Variants in SYT1 observed in about 807,000 individuals in gnomAD.
The protein encoded by SYT1 is synaptotagmin 1.
Under a neutral mutation model 44.8 loss-of-function variants are expected in SYT1, and 8 were observed. That is an observed-to-expected ratio of 0.18 (90% CI 0.10 to 0.32). The LOEUF (loss-of-function observed/expected upper bound fraction) is 0.32. Among genes scored for constraint, SYT1 ranks in the 10% least tolerant of loss-of-function variants. The pLI is 1.00. For missense variants in SYT1, 286 were observed against 509.3 expected, an observed-to-expected ratio of 0.56 and a Z score of 4.22; for synonymous variants, 154 against 188.8, an observed-to-expected ratio of 0.82 and a Z score of 1.51.
At chr12:79,303,424 G>A (rs1189205671) in intron 8 of SYT1, among the ~76,000 whole-genome samples, 2 of 150,374 alleles carry the variant, frequency 1.3e-5, no homozygotes, top group Non-Finnish European at 3.0e-5. Context: ...TTAACATTCC[G>A]CCCTGATATG....
At chr12:79,339,890 G>T (rs1019241600) in intron 8 of SYT1, among the ~76,000 whole-genome samples, 2 of 152,146 alleles carry the variant, frequency 1.3e-5, no homozygotes, top group Non-Finnish European at 2.9e-5. Flanking sequence ...CTACATAATG[G>T]CTAGCCAGTT....
chr12:79,020,853 T>C (rs1220768657), intron 2 of SYT1, among the ~76,000 whole-genome samples: 2 of 151,920 alleles, frequency 1.3e-5, no homozygotes, highest in African/African-American at 4.8e-5. Flanking sequence ...TAATGGGTGG[T>C]AAAGTAAAAA....
chr12:79,422,254 A>C (rs1344190428), intron 9 of SYT1, among the ~76,000 whole-genome samples: 1 of 152,024 alleles, frequency 6.6e-6, no homozygotes, highest in Non-Finnish European at 1.5e-5. Flanking sequence ...AGTACAAAGC[A>C]CTTCTGAGGA....
rs187693094 is a variant in SYT1 at position 79,376,820 on chromosome 12, A to C, written c.928+23201A>C. Among the ~76,000 whole-genome samples the C allele has an allele frequency of 3.6e-3, 552 of 152,306 alleles. 1 individual carries two copies. The highest frequency in any genetic ancestry group is 6.5e-3 in the Non-Finnish European group (441 of 68,028). The stretch of plus-strand genomic sequence containing the variant: ...ATGGCCCATTTCATTAATGATTTAC[A>C]AACGTCTGCATGCCTCCTTATCTAA... On this transcript the variant is annotated intron_variant, in intron 9 of 10. Coordinates refer to ENST00000261205, the MANE Select transcript of SYT1 (RefSeq NM_005639.3).
intron 4 of SYT1, among the ~76,000 whole-genome samples, chr12:79,219,370 G>A (rs547182650): frequency 3.4e-4 from 51 of 151,772 alleles, no homozygotes; most frequent in Non-Finnish European, 6.0e-4. Flanking sequence ...AATCCCATTC[G>A]TCTATTTGCT....
intron 9 of SYT1, among the ~76,000 whole-genome samples, chr12:79,439,484 G>A (rs1325511451): frequency 6.6e-6 from 1 of 152,064 alleles, no homozygotes; most frequent in Admixed American, 6.5e-5. Flanking sequence ...GGATAGCTTG[G>A]CTTACTTGTG....
intron 10 of SYT1, 71 bp downstream of exon 10, chr12:79,444,277 A>T: frequency 6.4e-7 from 1 of 1,570,854 alleles, no homozygotes; most frequent in East Asian, 2.3e-5. Context: ...ATACACACAG[A>T]CCTTGTAAGT....
At chr12:78,943,537 C>T (rs941191726) in intron 1 of SYT1, among the ~76,000 whole-genome samples, 1 of 152,158 alleles carries the variant, frequency 6.6e-6, no homozygotes, top group African/African-American at 2.4e-5. Context: ...GAAATCTGCC[C>T]CCATGATCTA....
At chr12:79,402,830 C>G (rs530482387) in intron 9 of SYT1, among the ~76,000 whole-genome samples, 1 of 152,332 alleles carries the variant, frequency 6.6e-6, no homozygotes, top group Admixed American at 6.5e-5. Flanking sequence ...TGTGACTCCT[C>G]AGCATATTAA....
intron 3 of SYT1, among the ~76,000 whole-genome samples, chr12:79,064,779 C>G (rs190428381): frequency 1.7e-4 from 25 of 149,962 alleles, no homozygotes; most frequent in Admixed American, 3.3e-4. Flanking sequence ...CCAATAACAA[C>G]TAACTATTCT....
intron 3 of SYT1, among the ~76,000 whole-genome samples, chr12:79,062,495 C>T (rs189154647): frequency 1.4e-4 from 21 of 152,170 alleles, no homozygotes; most frequent in African/African-American, 5.1e-4. Flanking sequence ...ATCCACTTGT[C>T]CTAGGCTGTT....
intron 3 of SYT1, among the ~76,000 whole-genome samples, chr12:79,179,544 G>GATTT (rs879668657): frequency 1.0e-3 from 25 of 24,342 alleles, no homozygotes; most frequent in Non-Finnish European, 1.7e-3. Context: ...TATAGATATA[G>GATTT]AGATATAGAT....
In SYT1 at chr12:79,190,018, T is replaced by C. The variant is rs916470018; in HGVS notation, c.-17-27485T>C. Among the ~76,000 whole-genome samples, 18 of 152,190 alleles carry C rather than the reference T, an allele frequency of 1.2e-4. 1 individual carries two copies. Among genetic ancestry groups the C allele is most frequent in the Non-Finnish European group, 2.9e-5 (2 of 68,048 alleles). ...CCCCAGAGTTCACTCTTTTAATCAC[T>C]GGACTGTATTTTGCCTTCCACTCTG... On this transcript the variant is annotated intron_variant, in intron 3 of 10. Coordinates refer to ENST00000261205, the MANE Select transcript of SYT1 (RefSeq NM_005639.3).
At chr12:78,975,355 T>C (rs1397992426) in intron 1 of SYT1, among the ~76,000 whole-genome samples, 1 of 152,212 alleles carries the variant, frequency 6.6e-6, no homozygotes, top group African/African-American at 2.4e-5. Flanking sequence ...TGGAGGCAGT[T>C]GTTTCTCTCC....
At chr12:79,017,042 G>A (rs188268107) in intron 2 of SYT1, among the ~76,000 whole-genome samples, 12 of 152,150 alleles carry the variant, frequency 7.9e-5, no homozygotes. Flanking sequence ...TGACCTATTA[G>A]AAATCCCTGG....
chr12:78,995,982 T>C (rs954068600), intron 2 of SYT1: 2 of 152,232 alleles, frequency 1.3e-5, no homozygotes, highest in African/African-American at 4.8e-5. Flanking sequence ...CATTACTCAC[T>C]GTAGGATCAA....
chr12:78,882,655 A>C (rs937815450), intron 1 of SYT1, among the ~76,000 whole-genome samples: 7 of 151,828 alleles, frequency 4.6e-5, no homozygotes, highest in Non-Finnish European at 7.4e-5. Flanking sequence ...AGTAGACATT[A>C]AGTTTGAAAA....
chr12:78,976,419 T>TA (rs1398772482), intron 1 of SYT1, among the ~76,000 whole-genome samples: 1 of 152,192 alleles, frequency 6.6e-6, no homozygotes, highest in Non-Finnish European at 1.5e-5. Context: ...TCCTTTAAAC[T>TA]AAGGACTTAC....
chr12:79,261,444 A>T (rs1565880420), intron 4 of SYT1, among the ~76,000 whole-genome samples: 1 of 152,174 alleles, frequency 6.6e-6, no homozygotes, highest in Non-Finnish European at 1.5e-5. Context: ...GATTAACTTT[A>T]ATCATCTGTA....
Sources: allele counts gnomAD v4.1 joint callset (sites outside exome capture counted in the v4.1 genomes callset), GRCh38; gene constraint gnomAD v4.1.1; transcripts MANE v1.5; gene names NCBI Gene and HGNC (gene_info 2026-07-23, HGNC 2026-07-21).